Variants in FANCC observed in about 807,000 individuals in gnomAD.
The protein encoded by FANCC is FA complementation group C.
A neutral mutation model predicts 71.3 loss-of-function variants in FANCC; 55 were observed. The ratio of observed to expected loss-of-function variants is 0.77; its 90% CI spans 0.62 to 0.97. The LOEUF is 0.97. Ranked by LOEUF, FANCC falls within the 50% of genes least tolerant of loss-of-function variation. The pLI, the probability that FANCC is intolerant of heterozygous loss-of-function variation, is 0.00. For missense variants in FANCC, 678 were observed against 670.9 expected, an observed-to-expected ratio of 1.01 and a Z score of -0.12; for synonymous variants, 275 against 244.9, an observed-to-expected ratio of 1.12 and a Z score of -1.15.
chr9:95,175,243 C>T (rs947982620), intron 4 of FANCC, among the ~76,000 whole-genome samples: 3 of 152,094 alleles, frequency 2.0e-5, no homozygotes, highest in South Asian at 2.1e-4. Context: ...ATTAGAATTG[C>T]AAGTTAACAA....
chr9:95,206,147 AAAC>A (rs1234442651), intron 4 of FANCC, among the ~76,000 whole-genome samples: 7 of 152,226 alleles, frequency 4.6e-5, no homozygotes, highest in Non-Finnish European at 2.9e-5. Flanking sequence ...CAAACATTCT[AAAC>A]AACGAAAATT....
chr9:95,230,041 G>A (rs16912035), intron 4 of FANCC, among the ~76,000 whole-genome samples: 11,366 of 152,132 alleles, frequency 0.075, 601 homozygotes, highest in South Asian at 0.24. Flanking sequence ...GGAATATAAT[G>A]TCTGAAAAGC....
chr9:95,179,378 GCT>G (rs1471033349), intron 4 of FANCC, among the ~76,000 whole-genome samples: 1 of 152,130 alleles, frequency 6.6e-6, no homozygotes, highest in Non-Finnish European at 1.5e-5. Flanking sequence ...ATTGTTACTA[GCT>G]CTGTCACCCA....
chr9:95,229,334 C>G (rs1424085277), intron 4 of FANCC, among the ~76,000 whole-genome samples: 2 of 150,396 alleles, frequency 1.3e-5, no homozygotes, highest in Non-Finnish European at 3.0e-5. Context: ...CTGGTTGAGA[C>G]TCTAGGAGAG....
At chr9:95,273,622 C>T (rs972652864) in intron 1 of FANCC, among the ~76,000 whole-genome samples, 1 of 152,118 alleles carries the variant, frequency 6.6e-6, no homozygotes, top group Non-Finnish European at 1.5e-5. Context: ...TTTTTGTTCC[C>T]CCAGCTTGCA....
rs1057520284 is a variant in FANCC at position 95,171,099 on chromosome 9, A to G, written c.501T>C (p.Asn167=). Residue 167 remains asparagine, a synonymous_variant, in exon 6 of 15, where the codon AAT becomes AAC. Transcript: ENST00000289081. ...LASELRENHL[N]GFNTQRRMAP... is the part of the protein sequence containing the mutation. ...CCTACCGCCTTTGAGTGTTAAATCC[A>G]TTAAGATGATTCTCTCTGAGTTCAG... 2 of 1,613,390 alleles carry G rather than the reference A, an allele frequency of 1.2e-6. No individual in the cohort carries two copies. Among genetic ancestry groups the G allele is most frequent in the Non-Finnish European group, 1.7e-6 (2 of 1,179,556 alleles).
intron 1 of FANCC, among the ~76,000 whole-genome samples, chr9:95,303,170 A>G (rs542975661): frequency 3.5e-4 from 53 of 152,352 alleles, no homozygotes; most frequent in Middle Eastern, 6.8e-3. Context: ...TTCTGAACGC[A>G]TGCAATATGG....
intron 1 of FANCC, among the ~76,000 whole-genome samples, chr9:95,306,713 A>G (rs1835088232): frequency 6.6e-6 from 1 of 152,218 alleles, no homozygotes; most frequent in East Asian, 1.9e-4. Flanking sequence ...TTATCATCTC[A>G]TAACAATTAA....
At position 95,240,637 on chromosome 9, in the gene FANCC, TTAC is replaced by T. The variant is rs1693164213; in HGVS notation, c.345+9_345+11del. 2 of 1,585,072 alleles carry T rather than the reference TTAC, an allele frequency of 1.3e-6. No individual in the cohort carries two copies. Among genetic ancestry groups the T allele is most frequent in the African/African-American group, 2.7e-5 (2 of 74,366 alleles). ...AATTCAAAGAAGTGCAGAGCAAGAT[TTAC>T]TCTCTTACCTGTATCCAGGAGTTAA... On this transcript the variant is annotated intron_variant, in intron 4 of 14. Coordinates refer to ENST00000289081, the MANE Select transcript of FANCC (RefSeq NM_000136.3).
chr9:95,207,336 A>C (rs1434282865), intron 4 of FANCC, among the ~76,000 whole-genome samples: 4 of 152,182 alleles, frequency 2.6e-5, no homozygotes, highest in Non-Finnish European at 5.9e-5. Flanking sequence ...ACAACCAAAA[A>C]ATCACAACTT....
intron 1 of FANCC, among the ~76,000 whole-genome samples, chr9:95,310,296 G>A (rs972096098): frequency 2.6e-5 from 4 of 151,140 alleles, no homozygotes; most frequent in African/African-American, 9.7e-5. Context: ...GAGCCCAGGA[G>A]TTTGAGGCTG....
chr9:95,229,691 C>T (rs926021518), intron 4 of FANCC, among the ~76,000 whole-genome samples: 2 of 151,960 alleles, frequency 1.3e-5, no homozygotes, highest in African/African-American at 4.8e-5. Flanking sequence ...ACACAGGCAG[C>T]TGAAAATGTG....
chr9:95,207,438 G>A (rs1828203300), intron 4 of FANCC, among the ~76,000 whole-genome samples: 1 of 152,136 alleles, frequency 6.6e-6, no homozygotes, highest in Admixed American at 6.5e-5. Context: ...CAAAGTCCTT[G>A]AAGATTATTT....
At chr9:95,117,592 C>T (rs534094388) in intron 10 of FANCC, among the ~76,000 whole-genome samples, 1 of 52,510 alleles carries the variant, frequency 1.9e-5, no homozygotes, top group African/African-American at 7.9e-5. Flanking sequence ...TTAAAGTCAC[C>T]TTCTGGGACT....
At chr9:95,107,739 AAC>A (rs937313912) in intron 13 of FANCC, among the ~76,000 whole-genome samples, 14 of 151,778 alleles carry the variant, frequency 9.2e-5, no homozygotes, top group South Asian at 4.2e-4. Flanking sequence ...GGTCGGGGGG[AAC>A]ACACACACAT....
intron 7 of FANCC, among the ~76,000 whole-genome samples, chr9:95,138,463 G>A (rs999215579): frequency 6.6e-6 from 1 of 152,244 alleles, no homozygotes; most frequent in Non-Finnish European, 1.5e-5. Context: ...GGTGTGGAGA[G>A]GGTGCTCGTA....
Position 95,237,315 on chromosome 9 carries a change from T to C in FANCC, c.345+3334A>G, listed in dbSNP as rs188728032. Among the ~76,000 whole-genome samples the C allele has an allele frequency of 1.5e-4, 23 of 152,312 alleles. 1 individual carries two copies. The East Asian group carries it at 2.3e-3, about 15-fold the overall frequency. ...CCTAGTCTGGCTATCACCCCCTTCATTGCCAAAGTTCTCCCTCCTTTACTG... is the reference window on the plus strand; with the variant it reads ...CCTAGTCTGGCTATCACCCCCTTCACTGCCAAAGTTCTCCCTCCTTTACTG... On this transcript the variant is annotated intron_variant, in intron 4 of 14. Transcript: ENST00000289081.
chr9:95,199,769 G>A (rs1226709304), intron 4 of FANCC, among the ~76,000 whole-genome samples: 7 of 152,082 alleles, frequency 4.6e-5, no homozygotes, highest in Non-Finnish European at 1.0e-4. Context: ...ATATACATTC[G>A]CCTTGGTACA....
At chr9:95,260,679 T>TAA (rs1254519022) in intron 1 of FANCC, among the ~76,000 whole-genome samples, 66 of 77,170 alleles carry the variant, frequency 8.6e-4, no homozygotes, top group Non-Finnish European at 1.1e-3. Flanking sequence ...TCTCAGAACT[T>TAA]AAAATATAAA....
Sources: gnomAD v4.1 joint callset for allele counts (sites outside exome capture counted in the v4.1 genomes callset) on GRCh38, gnomAD v4.1.1 for gene constraint, MANE v1.5 for transcripts, NCBI Gene and HGNC (gene_info 2026-07-23, HGNC 2026-07-21) for gene names.